STAG2: variants seen among roughly 807,000 people sequenced by gnomAD.
STAG2 encodes the protein STAG2 cohesin complex component.
STAG2 carries 14 observed loss-of-function variants against 108.1 expected under a neutral mutation model. That is an observed-to-expected ratio of 0.13 (90% CI 0.09 to 0.20). The LOEUF (loss-of-function observed/expected upper bound fraction) is 0.20. Among genes scored for constraint, STAG2 ranks in the 10% least tolerant of loss-of-function variants. The pLI, the probability that STAG2 is intolerant of heterozygous loss-of-function variation, is 1.00. For synonymous variants in STAG2, 307 were observed against 302.7 expected, an observed-to-expected ratio of 1.01 and a Z score of -0.15; for missense variants, 440 against 940.9, an observed-to-expected ratio of 0.47 and a Z score of 6.96.
intron 25 of STAG2, among the ~76,000 whole-genome samples, chrX:124,075,754 C>T (rs1354319582): frequency 9.0e-6 from 1 of 111,063 alleles, no homozygotes; most frequent in Non-Finnish European, 1.9e-5. Context: ...AGTGGGGCTT[C>T]CCTGACTGCG....
At chrX:124,080,842 A>G (rs2058940651) in intron 27 of STAG2, among the ~76,000 whole-genome samples, 1 of 112,187 alleles carries the variant, frequency 8.9e-6, no homozygotes, top group South Asian at 3.7e-4. Flanking sequence ...CAATTTAACC[A>G]AAGTCTCCTT....
chrX:124,067,328 G>A (rs2058561320), intron 23 of STAG2, among the ~76,000 whole-genome samples: 1 of 99,237 alleles, frequency 1.0e-5, no homozygotes, highest in African/African-American at 3.8e-5. Flanking sequence ...GAGTGTAGTG[G>A]TACAATCTCG....
intron 4 of STAG2, among the ~76,000 whole-genome samples, chrX:124,029,015 T>A (rs866346693): frequency 5.3e-4 from 52 of 98,286 alleles, no homozygotes; most frequent in African/African-American, 1.9e-3. Context: ...ATATATATAT[T>A]TATTTATTTA....
intron 5 of STAG2, among the ~76,000 whole-genome samples, chrX:124,036,544 C>A (rs1480167419): frequency 1.8e-5 from 2 of 110,484 alleles, no homozygotes; most frequent in Non-Finnish European, 3.8e-5. Context: ...ACCACCACAC[C>A]CAGCTAATTT....
intron 10 of STAG2, among the ~76,000 whole-genome samples, chrX:124,049,879 C>G (rs2057985216): frequency 8.9e-6 from 1 of 112,169 alleles, no homozygotes; most frequent in South Asian, 3.7e-4. Context: ...AGTGTGCCTG[C>G]TGTCTTCTGA....
chrX:124,070,619 CTACT>C (rs2058641445), intron 24 of STAG2, among the ~76,000 whole-genome samples: 1 of 112,122 alleles, frequency 8.9e-6, no homozygotes, highest in Non-Finnish European at 1.9e-5. Context: ...TATGTTTTCG[CTACT>C]TAATCAGTAC....
chrX:124,093,050 G>A (rs2059292191), intron 32 of STAG2, among the ~76,000 whole-genome samples: 1 of 111,324 alleles, frequency 9.0e-6, no homozygotes, highest in Non-Finnish European at 1.9e-5. Flanking sequence ...TTGACTGTGG[G>A]GGTGTCTTTG....
At chrX:124,037,013 G>C in intron 5 of STAG2, among the ~76,000 whole-genome samples, 1 of 110,468 alleles carries the variant, frequency 9.1e-6, no homozygotes, top group African/African-American at 3.3e-5. Context: ...AGCCTCGCGA[G>C]TAGTTGGGAT....
chrX:124,051,776 G>C (rs926159254), intron 13 of STAG2, among the ~76,000 whole-genome samples: 1 of 110,499 alleles, frequency 9.0e-6, no homozygotes, highest in Non-Finnish European at 1.9e-5. Flanking sequence ...ATTTTTAGTA[G>C]AGACGGGGTT....
chrX:123,975,959 T>G (rs1445253616), intron 1 of STAG2, among the ~76,000 whole-genome samples: 5 of 112,354 alleles, frequency 4.5e-5, no homozygotes, highest in Admixed American at 2.8e-4. Flanking sequence ...CCTTTTAAGT[T>G]AGACTGAAGC....
chrX:124,056,034 C>A, intron 13 of STAG2, 94 bp from the exon 14 acceptor site: 6 of 463,699 alleles, frequency 1.3e-5, no homozygotes, highest in East Asian at 4.6e-5. Flanking sequence ...TGAAACTTTA[C>A]AACTTTTTAA....
intron 1 of STAG2, among the ~76,000 whole-genome samples, chrX:123,971,601 C>T (rs2054356846): frequency 9.0e-6 from 1 of 111,268 alleles, no homozygotes; most frequent in Non-Finnish European, 1.9e-5. Context: ...AGGAGAATTT[C>T]CACTTGGATT....
intron 4 of STAG2, among the ~76,000 whole-genome samples, chrX:124,028,035 T>G (rs1166396961): frequency 9.0e-6 from 1 of 111,728 alleles, no homozygotes; most frequent in Non-Finnish European, 1.9e-5. Flanking sequence ...AAACTGCAAA[T>G]ATACAGCTCC....
At chrX:124,042,510 A>T in intron 6 of STAG2, 59 bp from the exon 7 acceptor site, 1 of 846,134 alleles carries the variant, frequency 1.2e-6, no homozygotes. Context: ...ACTTACTTGG[A>T]AGTTTTCTTT....
intron 28 of STAG2, 66 bp downstream of exon 28, chrX:124,081,594 G>T: frequency 1.1e-6 from 1 of 885,272 alleles, no homozygotes. Flanking sequence ...TTTAAATCTA[G>T]CCCTTTCATT....
chrX:124,043,639 A>T (rs1009354509), intron 7 of STAG2, among the ~76,000 whole-genome samples: 1 of 111,871 alleles, frequency 8.9e-6, no homozygotes, highest in African/African-American at 3.3e-5. Context: ...GTATAAGAAC[A>T]TATCCTGGAA....
intron 1 of STAG2, among the ~76,000 whole-genome samples, chrX:124,003,072 A>G (rs1238581083): frequency 1.8e-5 from 2 of 108,366 alleles, no homozygotes; most frequent in African/African-American, 6.7e-5. Flanking sequence ...GGTTCATGCA[A>G]TTCTCCTGCC....
At chrX:124,032,070 A>G (rs945073164) in intron 5 of STAG2, among the ~76,000 whole-genome samples, 9 of 111,948 alleles carry the variant, frequency 8.0e-5, no homozygotes, top group Non-Finnish European at 1.5e-4. Flanking sequence ...GGTAAAAAAT[A>G]ATTTGGTCAA....
intron 10 of STAG2, 126 bp from the exon 11 acceptor site, chrX:124,050,060 A>C: frequency 1.2e-6 from 1 of 802,787 alleles, no homozygotes; most frequent in South Asian, 3.8e-5. Context: ...TCTATTTTTT[A>C]ATCCCTAGTA....
Sources: gnomAD v4.1 joint callset for allele counts (sites outside exome capture counted in the v4.1 genomes callset) on GRCh38, gnomAD v4.1.1 for gene constraint, MANE v1.5 for transcripts, NCBI Gene and HGNC (gene_info 2026-07-23, HGNC 2026-07-21) for gene names.